Variants in INVS observed in about 807,000 individuals in gnomAD.
INVS encodes the protein inversin, also known as inversion of embryo turning homolog.
Under a neutral mutation model 108.8 loss-of-function variants are expected in INVS, and 86 were observed. The ratio of observed to expected loss-of-function variants is 0.79; its 90% CI spans 0.66 to 0.95. The LOEUF (loss-of-function observed/expected upper bound fraction) is 0.95, where lower values mean the gene tolerates loss of function less well. Ranked by LOEUF, INVS falls within the 40% of genes least tolerant of loss-of-function variation. The pLI is 0.00. For synonymous variants in INVS, 455 were observed against 473.5 expected (o/e 0.96, Z 0.51); for missense variants, 1,169 against 1,297.4 (o/e 0.90, Z 1.52).
At chr9:100,146,071 A>C (rs528291513) in intron 3 of INVS, among the ~76,000 whole-genome samples, 1 of 141,266 alleles carries the variant, frequency 7.1e-6, no homozygotes, top group Non-Finnish European at 1.5e-5. Context: ...CAGGGGATTG[A>C]TCTCCCAAGG....
At chr9:100,143,538 G>T (rs1248657304) in intron 3 of INVS, among the ~76,000 whole-genome samples, 4 of 152,024 alleles carry the variant, frequency 2.6e-5, no homozygotes, top group African/African-American at 9.7e-5. Flanking sequence ...ATACTTGTGG[G>T]TTAAGATGGG....
At chr9:100,192,211 T>C (rs1244097805) in intron 3 of INVS, among the ~76,000 whole-genome samples, 2 of 151,678 alleles carry the variant, frequency 1.3e-5, no homozygotes, top group Non-Finnish European at 2.9e-5. Context: ...GGAGGCATGC[T>C]AACAATGCTT....
At chr9:100,242,926 C>T (rs1389380291) in intron 7 of INVS, among the ~76,000 whole-genome samples, 1 of 151,984 alleles carries the variant, frequency 6.6e-6, no homozygotes, top group East Asian at 1.9e-4. Context: ...TGATACAATC[C>T]CTGATCTTAT....
intron 3 of INVS, among the ~76,000 whole-genome samples, chr9:100,189,067 G>A (rs1243348123): frequency 1.5e-5 from 2 of 135,266 alleles, no homozygotes; most frequent in African/African-American, 2.9e-5. Context: ...TTGCTGTAGT[G>A]TCTCCACGTT....
At chr9:100,273,239 C>T (rs753857361) in intron 12 of INVS, among the ~76,000 whole-genome samples, 163 bp downstream of exon 12, 1 of 152,096 alleles carries the variant, frequency 6.6e-6, no homozygotes, top group Non-Finnish European at 1.5e-5. Context: ...ACTCCGTCTT[C>T]TGGAACCGAG....
intron 3 of INVS, chr9:100,129,550 T>A: frequency 4.3e-6 from 2 of 462,862 alleles, no homozygotes; most frequent in Non-Finnish European, 7.9e-6. Context: ...ATCAGAAAAA[T>A]AAGAAACCAA....
chr9:100,266,506 G>A (rs1832797397), intron 11 of INVS, among the ~76,000 whole-genome samples: 1 of 152,154 alleles, frequency 6.6e-6, no homozygotes, highest in South Asian at 2.1e-4. Flanking sequence ...ATGTCACAGC[G>A]CTGGTGGGAG....
chr9:100,270,570 C>A (rs925594191), intron 11 of INVS, among the ~76,000 whole-genome samples: 3 of 151,816 alleles, frequency 2.0e-5, no homozygotes, highest in Admixed American at 2.0e-4. Context: ...TATGATGAAA[C>A]CCCGTCTCTA....
At chr9:100,230,690 CG>C (rs1554724475) in intron 5 of INVS, among the ~76,000 whole-genome samples, 1 of 151,778 alleles carries the variant, frequency 6.6e-6, no homozygotes, top group Non-Finnish European at 1.5e-5. Context: ...GGCTAATTTC[CG>C]TATTTTTAGT....
At chr9:100,288,543 A>C (rs986024751) in intron 13 of INVS, among the ~76,000 whole-genome samples, 1 of 152,086 alleles carries the variant, frequency 6.6e-6, no homozygotes, top group Non-Finnish European at 1.5e-5. Context: ...GATTCTTAGA[A>C]ATTTTTTTGT....
At chr9:100,118,794 A>C (rs1827634339) in intron 2 of INVS, among the ~76,000 whole-genome samples, 2 of 151,792 alleles carry the variant, frequency 1.3e-5, no homozygotes, top group African/African-American at 4.8e-5. Flanking sequence ...CTGAGTAGCT[A>C]GAATTACAGG....
At chr9:100,249,933 C>T (rs1430300820) in intron 8 of INVS, among the ~76,000 whole-genome samples, 2 of 151,858 alleles carry the variant, frequency 1.3e-5, no homozygotes, top group Non-Finnish European at 2.9e-5. Context: ...GGTGAAACCC[C>T]GTCTCTGCTA....
chr9:100,250,682 CA>C (rs1832203204), intron 8 of INVS, among the ~76,000 whole-genome samples: 6 of 152,186 alleles, frequency 3.9e-5, no homozygotes, highest in Admixed American at 3.9e-4. Context: ...CCACCCTAAT[CA>C]GACCACCATC....
intron 12 of INVS, among the ~76,000 whole-genome samples, chr9:100,278,953 C>T (rs1360794701): frequency 2.6e-5 from 4 of 152,212 alleles, no homozygotes; most frequent in African/African-American, 9.7e-5. Flanking sequence ...GCTGTCCATA[C>T]TTGAACATGA....
intron 8 of INVS, among the ~76,000 whole-genome samples, chr9:100,252,073 G>T (rs1472694868): frequency 1.3e-5 from 2 of 152,070 alleles, no homozygotes; most frequent in South Asian, 2.1e-4. Flanking sequence ...AGAAGAGAAA[G>T]GTAGAAGGAA....
chr9:100,145,554 AAGG>A (rs1172643905), intron 3 of INVS, among the ~76,000 whole-genome samples: 2 of 151,862 alleles, frequency 1.3e-5, no homozygotes, highest in African/African-American at 2.4e-5. Context: ...ACTAAGGGTG[AAGG>A]AGAAGGGGTT....
At chr9:100,100,663 ATT>A (rs1491092092) in intron 1 of INVS, among the ~76,000 whole-genome samples, 23 of 43,998 alleles carry the variant, frequency 5.2e-4, no homozygotes, top group African/African-American at 3.2e-3. Context: ...TAATATATAT[ATT>A]ATATATGTAC....
chr9:100,174,865 T>A (rs1829660397), intron 3 of INVS, among the ~76,000 whole-genome samples: 1 of 152,118 alleles, frequency 6.6e-6, no homozygotes, highest in Non-Finnish European at 1.5e-5. Context: ...TGAGCCAGAA[T>A]CATGCCACTG....
chr9:100,257,734 C>T (rs1047861205), intron 10 of INVS, among the ~76,000 whole-genome samples: 2 of 152,146 alleles, frequency 1.3e-5, no homozygotes, highest in African/African-American at 4.8e-5. Flanking sequence ...TGAATATCGG[C>T]CCCCACTCTC....
Sources: allele counts gnomAD v4.1 joint callset (sites outside exome capture counted in the v4.1 genomes callset), GRCh38; gene constraint gnomAD v4.1.1; transcripts MANE v1.5; gene names NCBI Gene and HGNC (gene_info 2026-07-23, HGNC 2026-07-21).